The following PPM1H variants were observed in gnomAD, a reference collection of about 807,000 sequenced individuals.
PPM1H encodes the protein protein phosphatase, Mg2+/Mn2+ dependent 1H.
PPM1H carries 27 observed loss-of-function variants against 54.9 expected under a neutral mutation model. The ratio of observed to expected loss-of-function variants is 0.49; its 90% CI spans 0.36 to 0.68. The LOEUF is 0.68. Among genes scored for constraint, PPM1H ranks in the 30% least tolerant of loss-of-function variants. PPM1H has a pLI of 0.00. For missense variants in PPM1H, 596 were observed against 667.8 expected (o/e 0.89, Z 1.19); for synonymous variants, 305 against 270.8 (o/e 1.13, Z -1.24).
intron 1 of PPM1H, among the ~76,000 whole-genome samples, chr12:62,866,514 C>T (rs950399179): frequency 7.2e-5 from 11 of 152,216 alleles, no homozygotes; most frequent in South Asian, 6.2e-4. Flanking sequence ...TCATTCACCA[C>T]GAGGAAGTCA....
At chr12:62,674,481 G>A (rs2075974863) in intron 8 of PPM1H, among the ~76,000 whole-genome samples, 1 of 152,108 alleles carries the variant, frequency 6.6e-6, no homozygotes, top group South Asian at 2.1e-4. Context: ...CACACTTCCT[G>A]CAGCCCTATA....
chr12:62,797,388 TCTTA>T (rs2076740656), intron 3 of PPM1H, among the ~76,000 whole-genome samples: 1 of 152,152 alleles, frequency 6.6e-6, no homozygotes, highest in Non-Finnish European at 1.5e-5. Context: ...ATATGACAAC[TCTTA>T]CTTAATATTG....
chr12:62,717,184 G>A (rs1257124798), intron 6 of PPM1H, among the ~76,000 whole-genome samples: 1 of 152,170 alleles, frequency 6.6e-6, no homozygotes, highest in African/African-American at 2.4e-5. Flanking sequence ...AAGATGTAAA[G>A]GGCTTTTCTT....
intron 4 of PPM1H, chr12:62,755,468 C>T (rs1592581758): frequency 4.4e-6 from 3 of 682,426 alleles, no homozygotes; most frequent in East Asian, 2.8e-5. Flanking sequence ...GAGCGAGATC[C>T]CTCCAAAATC....
At chr12:62,775,637 A>G (rs1325472492) in intron 4 of PPM1H, among the ~76,000 whole-genome samples, 2 of 152,228 alleles carry the variant, frequency 1.3e-5, no homozygotes, top group Non-Finnish European at 2.9e-5. Flanking sequence ...ACACATACAC[A>G]CACACCCTCT....
chr12:62,862,326 TGA>T (rs546216846), intron 1 of PPM1H, among the ~76,000 whole-genome samples: 87 of 152,186 alleles, frequency 5.7e-4, no homozygotes, highest in Non-Finnish European at 5.4e-4. Flanking sequence ...ACAAGGCCTT[TGA>T]GAGAGGTTTT....
intron 2 of PPM1H, among the ~76,000 whole-genome samples, chr12:62,813,428 C>T (rs553647467): frequency 5.3e-5 from 8 of 152,298 alleles, no homozygotes; most frequent in Middle Eastern, 3.4e-3. Context: ...TCGCGTGGTA[C>T]GTAAGTCAAT....
At chr12:62,916,752 TAATA>T (rs1010959608) in intron 1 of PPM1H, among the ~76,000 whole-genome samples, 99 of 152,188 alleles carry the variant, frequency 6.5e-4, no homozygotes, top group African/African-American at 2.2e-3. Context: ...TACTGAAAAG[TAATA>T]AATCAATCCT....
At chr12:62,697,470 C>T (rs868336865) in intron 6 of PPM1H, among the ~76,000 whole-genome samples, 3 of 152,260 alleles carry the variant, frequency 2.0e-5, no homozygotes, top group Middle Eastern at 6.8e-3. Context: ...ACCAAGCCCC[C>T]TCCCACAGAG....
At chr12:62,685,471 G>C (rs548475046) in intron 8 of PPM1H, among the ~76,000 whole-genome samples, 12 of 152,150 alleles carry the variant, frequency 7.9e-5, no homozygotes, top group Non-Finnish European at 1.3e-4. Context: ...CTGGGTACAA[G>C]TACCAGCTTG....
At chr12:62,828,369 C>T (rs546515075) in intron 2 of PPM1H, among the ~76,000 whole-genome samples, 1 of 152,270 alleles carries the variant, frequency 6.6e-6, no homozygotes, top group African/African-American at 2.4e-5. Context: ...CTTCCTAAAC[C>T]CTGAGAACAT....
Position 62,747,119 on chromosome 12 carries a change from T to C in PPM1H, c.870-9533A>G, listed in dbSNP as rs561073904. Among the ~76,000 whole-genome samples the C allele has an allele frequency of 1.4e-4, 20 of 142,164 alleles. No homozygotes were observed. In the East Asian group the frequency reaches 4.0e-3, roughly 29 times the overall value. 93.3% of individuals were successfully genotyped at this position (142,164 alleles called of 152,430 possible). A position where few individuals can be genotyped will look rare whatever the true frequency, so the allele number is the denominator to read the frequency against. ...GGCATGTGCCACCATGCCTGGTTAA[T>C]TTTTTAAAAAAGGTTTTTTTTCTTT... On this transcript the variant is annotated intron_variant, in intron 4 of 9. Coordinates refer to ENST00000228705, the MANE Select transcript of PPM1H (RefSeq NM_020700.2).
intron 6 of PPM1H, among the ~76,000 whole-genome samples, chr12:62,708,438 C>A (rs748501971): frequency 4.6e-5 from 7 of 152,130 alleles, no homozygotes; most frequent in African/African-American, 1.7e-4. Context: ...ACCAGCTGTG[C>A]CAATTTCCTG....
At chr12:62,868,821 A>C (rs577709587) in intron 1 of PPM1H, among the ~76,000 whole-genome samples, 37 of 152,344 alleles carry the variant, frequency 2.4e-4, no homozygotes, top group Non-Finnish European at 1.5e-5. Context: ...GCGCATTGTC[A>C]TCTAACACCC....
Position 62,893,784 on chromosome 12 carries a change from G to A in PPM1H, c.245+40708C>T, listed in dbSNP as rs577443220. On this transcript the variant is annotated intron_variant, in intron 1 of 9. Coordinates refer to ENST00000228705, the MANE Select transcript of PPM1H (RefSeq NM_020700.2). Reference sequence around the variant, plus strand: ...TTACAGGTGTGAACCACCACACCCCGCGTTCATTTAATCTGAATTACCTCT... The same window carrying A: ...TTACAGGTGTGAACCACCACACCCCACGTTCATTTAATCTGAATTACCTCT... Among the ~76,000 whole-genome samples the A allele has an allele frequency of 1.1e-3, 162 of 152,188 alleles. 1 individual carries two copies. Among genetic ancestry groups the A allele is most frequent in the African/African-American group, 2.5e-3 (102 of 41,520 alleles).
chr12:62,854,607 T>C (rs967617910), intron 1 of PPM1H, among the ~76,000 whole-genome samples: 2 of 152,202 alleles, frequency 1.3e-5, no homozygotes, highest in African/African-American at 4.8e-5. Flanking sequence ...TGTGAAAGCC[T>C]GGCATACTGT....
At chr12:62,671,782 A>G (rs1057444848) in intron 8 of PPM1H, among the ~76,000 whole-genome samples, 2 of 152,240 alleles carry the variant, frequency 1.3e-5, no homozygotes, top group South Asian at 2.1e-4. Context: ...ACTGGTGGTG[A>G]AGAAGGGAGG....
chr12:62,762,654 C>T (rs1313434178), intron 4 of PPM1H, among the ~76,000 whole-genome samples: 1 of 152,222 alleles, frequency 6.6e-6, no homozygotes, highest in Non-Finnish European at 1.5e-5. Context: ...AGTTGCAGCT[C>T]TGTCCAGCCT....
rs116606738 is a variant in PPM1H, at chr12:62,761,216, G to A, written c.870-23630C>T. ...AAGGTCCTAAGGACTCCACAGTTAC[G>A]GAGGAATAAGGGATCAGAAGTTCAT... On this transcript the variant is annotated intron_variant, in intron 4 of 9. Transcript: ENST00000228705. Among the ~76,000 whole-genome samples, 1,004 of 152,276 alleles carry A rather than the reference G, an allele frequency of 6.6e-3. 11 individuals are homozygous for A. Among genetic ancestry groups the A allele is most frequent in the African/African-American group, 0.023 (944 of 41,554 alleles).
Sources: gnomAD v4.1 joint callset for allele counts (sites outside exome capture counted in the v4.1 genomes callset) on GRCh38, gnomAD v4.1.1 for gene constraint, MANE v1.5 for transcripts, NCBI Gene and HGNC (gene_info 2026-07-23, HGNC 2026-07-21) for gene names.